The following CRB1 variants were observed in gnomAD, a reference collection of about 807,000 sequenced individuals.
CRB1 encodes the protein protein crumbs homolog 1.
CRB1 carries 83 observed loss-of-function variants against 120.0 expected under a neutral mutation model. The observed-to-expected ratio is 0.69, with a 90% CI of 0.58 to 0.83. CRB1 has a LOEUF of 0.83. CRB1 is among the 40% of genes least tolerant of loss of function. The probability of loss-of-function intolerance (pLI) is 0.00; values close to 1 mark genes in which losing one functional copy is unlikely to be tolerated. For missense variants in CRB1, 1,699 were observed against 1,687.6 expected (o/e 1.01, Z -0.12); for synonymous variants, 625 against 612.5 (o/e 1.02, Z -0.30).
chr1:197,368,635 T>A (rs994856784), intron 5 of CRB1, among the ~76,000 whole-genome samples: 1 of 152,170 alleles, frequency 6.6e-6, no homozygotes, highest in African/African-American at 2.4e-5. Flanking sequence ...GGCAGATATG[T>A]TTGTAGACCC....
intron 1 of CRB1, among the ~76,000 whole-genome samples, chr1:197,285,353 G>T (rs112273334): frequency 7.1e-4 from 108 of 151,808 alleles, no homozygotes; most frequent in African/African-American, 2.4e-3. Context: ...GAATAGATGA[G>T]GCAACTTGTT....
chr1:197,267,723 A>G (rs568972365), upstream of CRB1, among the ~76,000 whole-genome samples: 1 of 152,362 alleles, frequency 6.6e-6, no homozygotes, highest in South Asian at 2.1e-4. Context: ...ACATTCATCA[A>G]TTATAGTAAA....
intron 6 of CRB1, among the ~76,000 whole-genome samples, chr1:197,424,516 A>G (rs1166358752): frequency 6.6e-6 from 1 of 152,056 alleles, no homozygotes; most frequent in Non-Finnish European, 1.5e-5. Context: ...GTTTTGGAAT[A>G]TATTTGCTTC....
At chr1:197,302,156 A>G (rs1174351668) in intron 1 of CRB1, among the ~76,000 whole-genome samples, 1 of 152,226 alleles carries the variant, frequency 6.6e-6, no homozygotes, top group African/African-American at 2.4e-5. Context: ...TGCCACAGCC[A>G]TCTCAGCCTT....
intron 5 of CRB1, among the ~76,000 whole-genome samples, chr1:197,408,518 T>C (rs961198615): frequency 5.3e-5 from 8 of 152,192 alleles, no homozygotes; most frequent in African/African-American, 1.9e-4. Flanking sequence ...TGGCCTTTGA[T>C]ATTTTCATGG....
chr1:197,438,473 G>C, intron 9 of CRB1, 74 bp from the exon 10 acceptor site: 1 of 1,581,566 alleles, frequency 6.3e-7, no homozygotes, highest in Non-Finnish European at 8.7e-7. Context: ...CTACATACAT[G>C]AATTTATCAG....
intron 2 of CRB1, among the ~76,000 whole-genome samples, chr1:197,343,033 G>C (rs559798782): frequency 6.6e-6 from 1 of 152,118 alleles, no homozygotes; most frequent in Non-Finnish European, 1.5e-5. Context: ...CATTTTCACC[G>C]ACATAAATTT....
At chr1:197,463,835 CA>C (rs1234477885) in intron 11 of CRB1, among the ~76,000 whole-genome samples, 1 of 152,050 alleles carries the variant, frequency 6.6e-6, no homozygotes, top group African/African-American at 2.4e-5. Context: ...GCGAATGAAC[CA>C]GATACAGGAA....
intron 2 of CRB1, among the ~76,000 whole-genome samples, chr1:197,334,116 G>T (rs1012524830): frequency 2.0e-5 from 3 of 152,146 alleles, no homozygotes; most frequent in African/African-American, 7.2e-5. Flanking sequence ...TGAGGTGGGG[G>T]TCCAAGAATA....
intron 1 of CRB1, among the ~76,000 whole-genome samples, chr1:197,303,832 A>T (rs867535585): frequency 1.2e-4 from 18 of 152,258 alleles, no homozygotes; most frequent in Middle Eastern, 6.8e-3. Flanking sequence ...TGTTGAAAAC[A>T]TACATTGAAG....
chr1:197,207,075 C>T, the CRB1 span, among the ~76,000 whole-genome samples: 1 of 152,018 alleles, frequency 6.6e-6, no homozygotes, highest in African/African-American at 2.4e-5. Context: ...CTTTTGGTGT[C>T]CATTTGCATG....
At chr1:197,415,188 A>G (rs1436390875) in intron 5 of CRB1, among the ~76,000 whole-genome samples, 3 of 152,206 alleles carry the variant, frequency 2.0e-5, no homozygotes, top group African/African-American at 7.2e-5. Context: ...ACAAAGGATA[A>G]ATGAGAGTGT....
the CRB1 span, among the ~76,000 whole-genome samples, chr1:197,221,480 C>CACTCCAGAACTT: frequency 1.3e-5 from 2 of 152,148 alleles, no homozygotes; most frequent in African/African-American, 2.4e-5. Flanking sequence ...GAGAGATGTG[C>CACTCCAGAACTT]TCAGTGTTTC....
chr1:197,341,648 A>G (rs1210959225), intron 2 of CRB1, among the ~76,000 whole-genome samples: 1 of 152,208 alleles, frequency 6.6e-6, no homozygotes, highest in Non-Finnish European at 1.5e-5. Flanking sequence ...GACTTCTGTG[A>G]GAATGATCAC....
chr1:197,405,114 C>G (rs1013152776), intron 5 of CRB1, among the ~76,000 whole-genome samples: 8 of 152,022 alleles, frequency 5.3e-5, no homozygotes, highest in Non-Finnish European at 1.2e-4. Context: ...CACGGTCTCC[C>G]TCTGATGCCG....
intron 2 of CRB1, among the ~76,000 whole-genome samples, chr1:197,331,072 C>G (rs968847343): frequency 1.3e-5 from 2 of 151,888 alleles, no homozygotes; most frequent in Non-Finnish European, 2.9e-5. Flanking sequence ...GTCGCAGCTA[C>G]TCATGAACCC....
intron 5 of CRB1, among the ~76,000 whole-genome samples, chr1:197,368,124 T>A (rs1661175647): frequency 6.6e-6 from 1 of 152,194 alleles, no homozygotes; most frequent in Non-Finnish European, 1.5e-5. Flanking sequence ...GTACAGTCAA[T>A]ATCTCCTGCT....
chr1:197,315,672 A>G (rs1417022588), intron 1 of CRB1, among the ~76,000 whole-genome samples: 1 of 152,184 alleles, frequency 6.6e-6, no homozygotes, highest in East Asian at 1.9e-4. Context: ...ACTTCCACAT[A>G]TTTGTTTAGA....
the CRB1 span, among the ~76,000 whole-genome samples, chr1:197,255,997 A>T: frequency 1.1e-5 from 1 of 91,992 alleles, no homozygotes; most frequent in Non-Finnish European, 1.9e-5. Context: ...ATATATATAT[A>T]CACTACAATA....
Sources: allele counts gnomAD v4.1 joint callset (sites outside exome capture counted in the v4.1 genomes callset), GRCh38; gene constraint gnomAD v4.1.1; transcripts MANE v1.5; gene names NCBI Gene and HGNC (gene_info 2026-07-23, HGNC 2026-07-21).